The following PLPPR1 variants were observed in gnomAD, a reference collection of about 807,000 sequenced individuals.
The protein encoded by PLPPR1 is phospholipid phosphatase-related protein type 1.
Under a neutral mutation model 33.1 loss-of-function variants are expected in PLPPR1, and 10 were observed. The observed-to-expected ratio is 0.30, with a 90% CI of 0.19 to 0.51. The LOEUF is 0.51. Ranked by LOEUF, PLPPR1 falls within the 20% of genes least tolerant of loss-of-function variation. The pLI, the probability that PLPPR1 is intolerant of heterozygous loss-of-function variation, is 0.97. For missense variants in PLPPR1, 304 were observed against 408.1 expected (o/e 0.74, Z 2.20); for synonymous variants, 151 against 151.0 (o/e 1.00, Z 0.00).
chr9:101,113,535 A>G (rs116672022), intron 1 of PLPPR1, among the ~76,000 whole-genome samples: 2,325 of 152,272 alleles, frequency 0.015, 61 homozygotes, highest in African/African-American at 0.053. Context: ...GGGCACTACA[A>G]TTACATTCCT....
chr9:101,160,055 G>A (rs1831752638), intron 1 of PLPPR1, among the ~76,000 whole-genome samples: 1 of 152,154 alleles, frequency 6.6e-6, no homozygotes, highest in South Asian at 2.1e-4. Context: ...AATGCTAAGT[G>A]TAGATGAAAA....
At chr9:101,160,939 C>G (rs1195082003) in intron 1 of PLPPR1, among the ~76,000 whole-genome samples, 1 of 151,956 alleles carries the variant, frequency 6.6e-6, no homozygotes, top group Non-Finnish European at 1.5e-5. Context: ...AACATTATAC[C>G]CCTTCAGCTA....
At chr9:101,200,056 C>A (rs1826466380) in intron 2 of PLPPR1, among the ~76,000 whole-genome samples, 1 of 152,130 alleles carries the variant, frequency 6.6e-6, no homozygotes, top group African/African-American at 2.4e-5. Context: ...AGATAGGATT[C>A]TCTGTCCTCT....
At chr9:101,285,813 C>T (rs137917822) in intron 3 of PLPPR1, among the ~76,000 whole-genome samples, 1 of 152,270 alleles carries the variant, frequency 6.6e-6, no homozygotes, top group Non-Finnish European at 1.5e-5. Context: ...AGAATTCAAT[C>T]CCAGCATGAA....
At chr9:101,264,603 A>G (rs1047619852) in intron 2 of PLPPR1, among the ~76,000 whole-genome samples, 1 of 152,202 alleles carries the variant, frequency 6.6e-6, no homozygotes, top group Non-Finnish European at 1.5e-5. Flanking sequence ...AGCATGTCTG[A>G]GAATTCCTCA....
intron 3 of PLPPR1, 116 bp downstream of exon 3, chr9:101,270,184 A>G: frequency 9.2e-7 from 1 of 1,082,916 alleles, no homozygotes; most frequent in Non-Finnish European, 1.3e-6. Context: ...TATCAGTGGC[A>G]TCCTATTTCA....
chr9:101,250,884 G>A (rs1408433862), intron 2 of PLPPR1, among the ~76,000 whole-genome samples: 1 of 151,950 alleles, frequency 6.6e-6, no homozygotes, highest in Non-Finnish European at 1.5e-5. Context: ...CTATTCTTTG[G>A]AGATTCTGAT....
chr9:101,136,646 A>G (rs187845320), intron 1 of PLPPR1, among the ~76,000 whole-genome samples: 33 of 152,256 alleles, frequency 2.2e-4, no homozygotes, highest in African/African-American at 7.9e-4. Flanking sequence ...CTGTGTGTTT[A>G]CTTTTAAGAA....
intron 1 of PLPPR1, among the ~76,000 whole-genome samples, chr9:101,041,114 G>A (rs1830073122): frequency 6.6e-6 from 1 of 152,168 alleles, no homozygotes; most frequent in Admixed American, 6.5e-5. Flanking sequence ...TCTTAATGAG[G>A]CAGAGGTGTC....
intron 1 of PLPPR1, among the ~76,000 whole-genome samples, chr9:101,073,102 G>A (rs1405585641): frequency 6.6e-6 from 1 of 152,050 alleles, no homozygotes; most frequent in African/African-American, 2.4e-5. Context: ...GAGAGGAATG[G>A]GTCTGGGTTA....
chr9:101,296,697 C>CA (rs1445442723), intron 4 of PLPPR1, among the ~76,000 whole-genome samples: 2 of 151,610 alleles, frequency 1.3e-5, no homozygotes, highest in African/African-American at 4.9e-5. Flanking sequence ...GTCGCAAGAA[C>CA]AAAAAACCAA....
chr9:101,258,202 A>G lies in PLPPR1; in HGVS notation c.64-11678A>G, dbSNP rs57120176. 7.6e-3 allele frequency among the ~76,000 whole-genome samples: 1,154 copies of G among 151,604 alleles called. 8 individuals are homozygous for G. Among genetic ancestry groups the G allele is most frequent in the African/African-American group, 0.015 (617 of 41,476 alleles). On this transcript the variant is annotated intron_variant, in intron 2 of 7. Transcript: ENST00000374874. The stretch of plus-strand genomic sequence containing the variant: ...TCTATTACACCATGACAGCCAGCTC[A>G]AATGTCACTGCTGCCACATACTTCT...
At chr9:101,162,122 T>C (rs1217749082) in intron 1 of PLPPR1, among the ~76,000 whole-genome samples, 1 of 150,716 alleles carries the variant, frequency 6.6e-6, no homozygotes, top group Non-Finnish European at 1.5e-5. Flanking sequence ...AAAAAAAAGA[T>C]AATATTATTT....
chr9:101,167,747 A>G (rs1362299791), intron 1 of PLPPR1, among the ~76,000 whole-genome samples: 5 of 152,116 alleles, frequency 3.3e-5, no homozygotes, highest in East Asian at 1.9e-4. Context: ...AAGAGCTTCT[A>G]TCTACCTCTC....
intron 3 of PLPPR1, among the ~76,000 whole-genome samples, chr9:101,285,349 G>T (rs1429021501): frequency 6.6e-6 from 1 of 152,072 alleles, no homozygotes; most frequent in African/African-American, 2.4e-5. Context: ...AATTTAAAGG[G>T]TAACATATAT....
intron 3 of PLPPR1, among the ~76,000 whole-genome samples, chr9:101,277,956 A>G (rs958432060): frequency 6.6e-5 from 10 of 152,224 alleles, no homozygotes; most frequent in African/African-American, 2.2e-4. Context: ...CTGAACCTCA[A>G]AAAGTTTCCA....
At chr9:101,037,283 T>C (rs1332717415) in intron 1 of PLPPR1, among the ~76,000 whole-genome samples, 1 of 152,128 alleles carries the variant, frequency 6.6e-6, no homozygotes, top group East Asian at 1.9e-4. Context: ...ATATTGTATA[T>C]TGCCTCCATT....
intron 1 of PLPPR1, among the ~76,000 whole-genome samples, chr9:101,044,071 C>T (rs1474945013): frequency 6.6e-6 from 1 of 152,202 alleles, no homozygotes; most frequent in Non-Finnish European, 1.5e-5. Flanking sequence ...GCAGAGTAAA[C>T]AGACAACCCA....
At chr9:101,161,873 A>G (rs1216082832) in intron 1 of PLPPR1, among the ~76,000 whole-genome samples, 1 of 152,116 alleles carries the variant, frequency 6.6e-6, no homozygotes, top group Non-Finnish European at 1.5e-5. Context: ...TATTTAATTC[A>G]TAGCATTCAT....
Sources: gnomAD v4.1 joint callset for allele counts (sites outside exome capture counted in the v4.1 genomes callset) on GRCh38, gnomAD v4.1.1 for gene constraint, MANE v1.5 for transcripts, NCBI Gene and HGNC (gene_info 2026-07-23, HGNC 2026-07-21) for gene names.